Variants in HNF4G observed in about 807,000 individuals in gnomAD.
The protein encoded by HNF4G is hepatocyte nuclear factor 4-gamma.
A neutral mutation model predicts 50.9 loss-of-function variants in HNF4G; 21 were observed. That is an observed-to-expected ratio of 0.41 (90% confidence interval 0.29 to 0.59). The LOEUF (loss-of-function observed/expected upper bound fraction) is 0.59, where lower values mean the gene tolerates loss of function less well. Among genes scored for constraint, HNF4G ranks in the 20% least tolerant of loss-of-function variants. The pLI, the probability that HNF4G is intolerant of heterozygous loss-of-function variation, is 0.26. For synonymous variants in HNF4G, 198 were observed against 185.6 expected (o/e 1.07, Z -0.54); for missense variants, 527 against 559.4 (o/e 0.94, Z 0.58).
At chr8:75,481,872 C>T (rs1812388617) in intron 1 of HNF4G, among the ~76,000 whole-genome samples, 1 of 152,028 alleles carries the variant, frequency 6.6e-6, no homozygotes, top group Non-Finnish European at 1.5e-5. Context: ...CTTGTATACA[C>T]CTCTGGACTC....
intron 1 of HNF4G, among the ~76,000 whole-genome samples, chr8:75,488,438 T>C (rs554021487): frequency 1.3e-5 from 2 of 150,946 alleles, no homozygotes; most frequent in African/African-American, 4.9e-5. Flanking sequence ...CATGCCTGGC[T>C]ATTTTTTTTT....
At chr8:75,507,781 A>C (rs1487294084) in intron 2 of HNF4G, among the ~76,000 whole-genome samples, 1 of 152,182 alleles carries the variant, frequency 6.6e-6, no homozygotes, top group African/African-American at 2.4e-5. Context: ...ATGTTTTTAA[A>C]GTACATGGTG....
chr8:75,492,577 A>C (rs1042932159), intron 2 of HNF4G, among the ~76,000 whole-genome samples: 1 of 152,130 alleles, frequency 6.6e-6, no homozygotes, highest in South Asian at 2.1e-4. Flanking sequence ...ATTACATAAC[A>C]CTTGCACATA....
intron 1 of HNF4G, among the ~76,000 whole-genome samples, chr8:75,422,965 G>A (rs1810807211): frequency 6.6e-6 from 1 of 151,976 alleles, no homozygotes; most frequent in Non-Finnish European, 1.5e-5. Context: ...TTATCATTCC[G>A]ATTTTACAGA....
Position 75,434,705 on chromosome 8 carries a change from C to CACACACAT in HNF4G, c.-144+26544_-144+26545insCACACATA, listed in dbSNP as rs1429713089. On this transcript the variant is annotated intron_variant, in intron 1 of 10. Transcript: ENST00000354370. The stretch of plus-strand genomic sequence containing the variant: ...ACACACACACACACACACACACACA[C>CACACACAT]ATACACAAATCAGGTAAGAAAAGTG... Among the ~76,000 whole-genome samples the CACACACAT allele has an allele frequency of 4.0e-4, 61 of 151,808 alleles. 1 individual carries two copies. Among genetic ancestry groups the CACACACAT allele is most frequent in the African/African-American group, 1.4e-3 (57 of 41,432 alleles).
chr8:75,489,124 C>G (rs13264750), intron 1 of HNF4G, among the ~76,000 whole-genome samples: 1 of 151,900 alleles, frequency 6.6e-6, no homozygotes, highest in Non-Finnish European at 1.5e-5. Flanking sequence ...TGGAGCCACG[C>G]ATATATTCAC....
intron 2 of HNF4G, among the ~76,000 whole-genome samples, chr8:75,511,849 A>C (rs187075762): frequency 6.6e-6 from 1 of 152,336 alleles, no homozygotes; most frequent in East Asian, 1.9e-4. Context: ...GAGTGCTGGG[A>C]TTACAGGCGT....
chr8:75,530,986 G>T (rs963131769), intron 2 of HNF4G, among the ~76,000 whole-genome samples: 1 of 151,934 alleles, frequency 6.6e-6, no homozygotes, highest in Non-Finnish European at 1.5e-5. Flanking sequence ...TAGAGACAGG[G>T]TTTCACCATG....
chr8:75,416,883 C>T (rs1315380664), intron 1 of HNF4G, among the ~76,000 whole-genome samples: 1 of 152,270 alleles, frequency 6.6e-6, no homozygotes, highest in South Asian at 2.1e-4. Flanking sequence ...CAGCTTTGAG[C>T]ATGTTAGCAA....
intron 2 of HNF4G, among the ~76,000 whole-genome samples, chr8:75,545,069 T>G (rs375592055): frequency 1.3e-5 from 2 of 152,118 alleles, no homozygotes; most frequent in African/African-American, 4.8e-5. Flanking sequence ...AAAAAGTGTA[T>G]TTAGATAAGT....
At chr8:75,435,992 G>A (rs1811127852) in intron 1 of HNF4G, among the ~76,000 whole-genome samples, 1 of 152,028 alleles carries the variant, frequency 6.6e-6, no homozygotes, top group African/African-American at 2.4e-5. Flanking sequence ...ATCCAAATAT[G>A]GCATTCATGT....
At chr8:75,453,231 C>A (rs533142635) in intron 1 of HNF4G, among the ~76,000 whole-genome samples, 1 of 152,232 alleles carries the variant, frequency 6.6e-6, no homozygotes, top group East Asian at 1.9e-4. Flanking sequence ...GCTGGACTTC[C>A]TGGGTGGAGT....
intron 1 of HNF4G, among the ~76,000 whole-genome samples, chr8:75,483,206 TG>T (rs1372030998): frequency 1.3e-5 from 2 of 152,200 alleles, no homozygotes; most frequent in Non-Finnish European, 2.9e-5. Context: ...AAATGATGAA[TG>T]TTGCTATATT....
At chr8:75,484,823 C>A (rs1812461355) in intron 1 of HNF4G, among the ~76,000 whole-genome samples, 1 of 152,134 alleles carries the variant, frequency 6.6e-6, no homozygotes, top group Non-Finnish European at 1.5e-5. Flanking sequence ...TCTCTGAGCA[C>A]TTTTGACATA....
chr8:75,553,675 A>G (rs2943591), intron 5 of HNF4G, among the ~76,000 whole-genome samples: 100,632 of 151,574 alleles, frequency 0.66, 35,244 homozygotes, highest in African/African-American at 0.9. Context: ...TGCAATTAAC[A>G]TAAAGTTTTA....
In HNF4G at chr8:75,555,998, C is replaced by T. The variant is rs1207670233; in HGVS notation, c.662C>T (p.Ala221Val). The T allele has an allele frequency of 1.9e-6, 3 of 1,573,290 alleles. No homozygotes were observed. Among genetic ancestry groups the T allele is most frequent in the Non-Finnish European group, 2.6e-6 (3 of 1,157,600 alleles). The change falls in exon 6 of 10, where the codon GCT becomes GTT. Residue 221 changes from alanine to valine, a missense_variant. Around this residue, in one of 5 missense-constraint regions of HNF4G, gnomAD observed 308 missense variants for 301.5 expected, o/e 1.02. Transcript: ENST00000396423. ...PLDDQVALLR[A>V]HAGEHLLLGA... ...TTCATTAAGGTGGCACTGTTGAGAG[C>T]TCACGCAGGGGAGCACTTACTGCTT...
rs1048142565 is a variant in HNF4G, at chr8:75,479,730, G to A, written c.-143-10359G>A. On this transcript the variant is annotated intron_variant, in intron 1 of 10. Transcript: ENST00000354370. ...GTTCTGCATTTGTTAAACTACCATGGAGGTGAAGGAAGATTTTACAAGCTG... is the reference window on the plus strand; with the variant it reads ...GTTCTGCATTTGTTAAACTACCATGAAGGTGAAGGAAGATTTTACAAGCTG... Among the ~76,000 whole-genome samples, 30 of 151,812 alleles carry A rather than the reference G, an allele frequency of 2.0e-4. 1 individual carries two copies. The highest frequency in any genetic ancestry group is 7.0e-4 in the African/African-American group (29 of 41,452).
chr8:75,514,374 T>C (rs1224740494), intron 2 of HNF4G, among the ~76,000 whole-genome samples: 1 of 149,496 alleles, frequency 6.7e-6, no homozygotes, highest in Non-Finnish European at 1.5e-5. Context: ...TTCTTTCTTT[T>C]TTTTTTTTGT....
At position 75,564,739 on chromosome 8, in the gene HNF4G, T is replaced by A. The variant is rs1807412152; in HGVS notation, c.*643T>A. On this transcript the variant is annotated 3_prime_UTR_variant, in exon 10 of 10. Coordinates refer to ENST00000396423, the MANE Select transcript of HNF4G (RefSeq NM_004133.5). ...ATCTGACTTTCTTTGAAGATGTATGTTAAGCAAAAACATGTTGCTTTTATC... is the reference window on the plus strand; with the variant it reads ...ATCTGACTTTCTTTGAAGATGTATGATAAGCAAAAACATGTTGCTTTTATC... The A allele has an allele frequency of 6.6e-6, 1 of 152,224 alleles. No individual in the cohort carries two copies. Among genetic ancestry groups the A allele is most frequent in the South Asian group, 2.1e-4 (1 of 4,838 alleles). The allele number at this position is 152,224 out of a possible 1,614,324, so 9.4% of individuals were successfully genotyped here.
Sources: gnomAD v4.1 joint callset for allele counts (sites outside exome capture counted in the v4.1 genomes callset) on GRCh38, gnomAD v4.1.1 for gene constraint, gnomAD v4.1.1 regional missense constraint, MANE v1.5 for transcripts, NCBI Gene and HGNC (gene_info 2026-07-23, HGNC 2026-07-21) for gene names.